JAKMIP3: variants seen among roughly 807,000 people sequenced by gnomAD.
The protein encoded by JAKMIP3 is janus kinase and microtubule-interacting protein 3.
JAKMIP3 carries 58 observed loss-of-function variants against 118.5 expected under a neutral mutation model. That is an observed-to-expected ratio of 0.49 (90% confidence interval 0.40 to 0.61). The LOEUF (loss-of-function observed/expected upper bound fraction) is 0.61. JAKMIP3 is among the 20% of genes least tolerant of loss of function. The pLI, the probability that JAKMIP3 is intolerant of heterozygous loss-of-function variation, is 0.00. For missense variants in JAKMIP3, 950 were observed against 1,109.0 expected (o/e 0.86, Z 2.04); for synonymous variants, 486 against 451.2 (o/e 1.08, Z -0.98).
chr10:132,082,636 T>C (rs2041920301), intron 1 of JAKMIP3, among the ~76,000 whole-genome samples: 1 of 151,802 alleles, frequency 6.6e-6, no homozygotes, highest in Non-Finnish European at 1.5e-5. Context: ...TTTGAGACAG[T>C]GTCTCACTCT....
Position 132,127,224 on chromosome 10 carries a change from C to CT in JAKMIP3, c.634-6072dup, listed in dbSNP as rs11354978. 7.7e-3 allele frequency among the ~76,000 whole-genome samples: 999 copies of CT among 128,978 alleles called. 8 individuals carry two copies. Among genetic ancestry groups the CT allele is most frequent in the African/African-American group, 0.02 (696 of 35,406 alleles). The allele number at this position is 128,978 out of a possible 152,430, so 84.6% of individuals were successfully genotyped here. On this transcript the variant is annotated intron_variant, in intron 3 of 23. Coordinates refer to ENST00000684848, the MANE Select transcript of JAKMIP3 (RefSeq NM_001323087.2). ...TCCCACTTATTGACATTAGACTTTT[C>CT]TTTTTTTTTTTTTTTTCGAGATGGT...
intron 19 of JAKMIP3, among the ~76,000 whole-genome samples, chr10:132,160,946 GT>G (rs1306217378): frequency 6.9e-4 from 2 of 2,878 alleles, no homozygotes; most frequent in Non-Finnish European, 1.2e-3. Flanking sequence ...GTGATGCTGG[GT>G]GGGCCTCTCC....
chr10:132,149,445 C>T lies in JAKMIP3; in HGVS notation c.1882C>T (p.His628Tyr), dbSNP rs1484631440. 2 of 1,606,704 alleles carry T rather than the reference C, an allele frequency of 1.2e-6. No homozygotes were observed. The highest frequency in any genetic ancestry group is 1.7e-6 in the Non-Finnish European group (2 of 1,177,472). The change falls in exon 15 of 24, where the codon CAC (histidine) becomes TAC (tyrosine). Residue 628 changes from histidine (H) to tyrosine (Y), a missense_variant. Coordinates refer to ENST00000684848, the MANE Select transcript of JAKMIP3 (RefSeq NM_001323087.2). ...GAGGAAGTCACCCGCCATCAGCTTCCACCACACGCCCTTCGTGGACGGGAA... is the reference window on the plus strand; with the variant it reads ...GAGGAAGTCACCCGCCATCAGCTTCTACCACACGCCCTTCGTGGACGGGAA... ...RERKSPAISF[H>Y]HTPFVDGKSP...
At chr10:132,180,730 C>CGTGTGCGTGTGT (rs1565021440) in intron 23 of JAKMIP3, among the ~76,000 whole-genome samples, 3 of 8,680 alleles carry the variant, frequency 3.5e-4, no homozygotes, top group Non-Finnish European at 5.7e-4. Flanking sequence ...CGTGTGTGTG[C>CGTGTGCGTGTGT]GTGTGTGCGT....
chr10:132,154,082 A>AGCG, intron 19 of JAKMIP3, 92 bp downstream of exon 19: 1 of 1,160,520 alleles, frequency 8.6e-7, no homozygotes. Context: ...TCAGGTGCCC[A>AGCG]TGTGGGCCAG....
chr10:132,179,546 G>T lies in JAKMIP3; in HGVS notation c.*1104-2811G>T, dbSNP rs758833962. Among the ~76,000 whole-genome samples, 1 of 152,162 alleles carries T rather than the reference G, an allele frequency of 6.6e-6. No homozygotes were observed. The highest frequency in any genetic ancestry group is 2.4e-5 in the African/African-American group (1 of 41,414). On this transcript the variant is annotated intron_variant, in intron 23 of 23. Coordinates refer to ENST00000684848, the MANE Select transcript of JAKMIP3 (RefSeq NM_001323087.2). This position sits in a 1 kb window ranked among gnomAD's most constrained non-coding sequence, Gnocchi z 4.3. ...CACGTGAATGGCCAAGTACGTAAAA[G>T]AATGCGCTCCCTGAAGGCAATTCGC...
intron 19 of JAKMIP3, among the ~76,000 whole-genome samples, chr10:132,154,559 C>T (rs10870267): frequency 0.47 from 70,792 of 152,076 alleles, 17,497 homozygotes; most frequent in Admixed American, 0.61. Context: ...TATCACGTGA[C>T]GGAAGGTACG....
intron 1 of JAKMIP3, among the ~76,000 whole-genome samples, chr10:132,081,721 C>T (rs1336834431): frequency 2.6e-5 from 4 of 151,864 alleles, no homozygotes; most frequent in African/African-American, 9.7e-5. Context: ...AGCCCCTCTG[C>T]TTGGGTTTGT....
intron 20 of JAKMIP3, 45 bp downstream of exon 20, chr10:132,163,457 G>C (rs551886806): frequency 1.3e-6 from 2 of 1,526,650 alleles, no homozygotes; most frequent in African/African-American, 1.4e-5. Flanking sequence ...ACCTGGCCAG[G>C]ACCTGCACAG....
At chr10:132,163,447 A>G in intron 20 of JAKMIP3, 35 bp downstream of exon 20, 1 of 1,554,300 alleles carries the variant, frequency 6.4e-7, no homozygotes, top group Non-Finnish European at 8.7e-7. Flanking sequence ...TGGCGTGAAG[A>G]CCTGGCCAGG....
At position 132,155,852 on chromosome 10, in the gene JAKMIP3, G is replaced by A. The variant is rs187347308; in HGVS notation, c.2220+1862G>A. 2.2e-3 allele frequency among the ~76,000 whole-genome samples: 342 copies of A among 152,260 alleles called. 3 individuals carry two copies. The highest frequency in any genetic ancestry group is 8.0e-3 in the African/African-American group (333 of 41,548). On this transcript the variant is annotated intron_variant, in intron 19 of 23. Transcript: ENST00000684848. ...CCTCTGAGTACTGAGAGCCAGCCCC[G>A]GGTGAGCTGGCCCCAGTGGTGGTGA...
chr10:132,136,917 G>T, intron 6 of JAKMIP3, 102 bp from the exon 7 acceptor site: 1 of 1,326,076 alleles, frequency 7.5e-7, no homozygotes, highest in South Asian at 1.4e-5. Context: ...GCAGCTGAGA[G>T]TGGCAGCCCG....
In JAKMIP3 at chr10:132,131,501, G is replaced by A. The variant is rs376230370; in HGVS notation, c.634-1811G>A. 1.9e-3 allele frequency among the ~76,000 whole-genome samples: 290 copies of A among 151,922 alleles called. 3 individuals are homozygous for A. The highest frequency in any genetic ancestry group is 6.9e-3 in the African/African-American group (284 of 41,370). On this transcript the variant is annotated intron_variant, in intron 3 of 23. Coordinates refer to ENST00000684848, the MANE Select transcript of JAKMIP3 (RefSeq NM_001323087.2). ...GGGAGATGGGAGCTCTGGGGCACCC[G>A]GGGGCTCCAGCAAGTGTTGTGGATC...
At chr10:132,038,649 T>A (rs1449983610) in intron 1 of JAKMIP3, among the ~76,000 whole-genome samples, 1 of 151,832 alleles carries the variant, frequency 6.6e-6, no homozygotes, top group African/African-American at 2.4e-5. Context: ...ATACAATAAT[T>A]AGCTGGGCAT....
intron 1 of JAKMIP3, among the ~76,000 whole-genome samples, chr10:132,103,439 G>A (rs2134856364): frequency 1.3e-5 from 1 of 79,522 alleles, no homozygotes; most frequent in Non-Finnish European, 2.5e-5. Flanking sequence ...GGAGCACCTG[G>A]GGGAGAGGAG....
intron 1 of JAKMIP3, among the ~76,000 whole-genome samples, chr10:132,098,092 G>A (rs997277269): frequency 6.7e-6 from 1 of 149,728 alleles, no homozygotes; most frequent in African/African-American, 2.5e-5. Context: ...TGGGAGTGCA[G>A]TGACATGATC....
intron 1 of JAKMIP3, among the ~76,000 whole-genome samples, chr10:132,098,208 G>A (rs1312910024): frequency 6.6e-6 from 1 of 151,614 alleles, no homozygotes; most frequent in African/African-American, 2.4e-5. Flanking sequence ...ATTTGTTGCA[G>A]AGATGGGGTC....
At chr10:132,056,627 G>A (rs1469712439) in intron 1 of JAKMIP3, among the ~76,000 whole-genome samples, 1 of 152,312 alleles carries the variant, frequency 6.6e-6, no homozygotes, top group Non-Finnish European at 1.5e-5. Context: ...GGTTGAAAGC[G>A]AGGCAGATCA....
intron 1 of JAKMIP3, among the ~76,000 whole-genome samples, chr10:132,103,276 G>A (rs12240710): frequency 0.23 from 34,623 of 151,020 alleles, 4,605 homozygotes; most frequent in African/African-American, 0.38. Context: ...CCTGTTAGGA[G>A]CACCGGGGGT....
Sources: gnomAD v4.1 joint callset for allele counts (sites outside exome capture counted in the v4.1 genomes callset) on GRCh38, gnomAD v4.1.1 for gene constraint, Gnocchi (gnomAD v3.1) non-coding constraint, MANE v1.5 for transcripts, NCBI Gene and HGNC (gene_info 2026-07-23, HGNC 2026-07-21) for gene names.